Variants in PRKN observed in about 807,000 individuals in gnomAD.
PRKN encodes the protein E3 ubiquitin-protein ligase parkin.
PRKN carries 56 observed loss-of-function variants against 59.5 expected under a neutral mutation model. The observed-to-expected ratio is 0.94, with a 90% CI of 0.76 to 1.18. The LOEUF (loss-of-function observed/expected upper bound fraction) is 1.18. Ranked by LOEUF, PRKN falls within the 50% of genes most tolerant of loss-of-function variation. The pLI is 0.00. For missense variants in PRKN, 657 were observed against 596.4 expected, an observed-to-expected ratio of 1.10 and a Z score of -1.06; for synonymous variants, 250 against 222.1, an observed-to-expected ratio of 1.13 and a Z score of -1.12.
rs1466158690 is a variant in PRKN at position 161,362,391 on chromosome 6, T to C, written c.1168-2186A>G. On this transcript the variant is annotated intron_variant, in intron 10 of 11. Transcript: ENST00000366898. This position sits in a 1 kb window ranked among gnomAD's most constrained non-coding sequence, Gnocchi z 5.2. Reference sequence around the variant, plus strand: ...CCATCATCTGGGTCTTCCCAGGCCCTAAGGGCACAGGCAGGAGACAAAGCC... The same window carrying C: ...CCATCATCTGGGTCTTCCCAGGCCCCAAGGGCACAGGCAGGAGACAAAGCC... Among the ~76,000 whole-genome samples, 1 of 152,108 alleles carries C rather than the reference T, an allele frequency of 6.6e-6. No individual in the cohort carries two copies. Among genetic ancestry groups the C allele is most frequent in the Non-Finnish European group, 1.5e-5 (1 of 68,018 alleles).
At chr6:162,086,892 T>C (rs1779269284) in intron 4 of PRKN, among the ~76,000 whole-genome samples, 1 of 152,248 alleles carries the variant, frequency 6.6e-6, no homozygotes, top group Non-Finnish European at 1.5e-5. Flanking sequence ...TCACAGTTCG[T>C]ATTTGTGGAA....
At chr6:161,973,263 C>T (rs766332636) in intron 6 of PRKN, 39 bp downstream of exon 6, 21 of 1,300,116 alleles carry the variant, frequency 1.6e-5, no homozygotes, top group South Asian at 3.5e-5. Flanking sequence ...CCTTACCTCA[C>T]GTCCGTGGAG....
intron 4 of PRKN, among the ~76,000 whole-genome samples, chr6:162,135,971 C>G (rs1037105841): frequency 6.6e-6 from 1 of 152,034 alleles, no homozygotes. Flanking sequence ...GATTTTCTCA[C>G]TGAAGCCTTG....
intron 1 of PRKN, among the ~76,000 whole-genome samples, chr6:162,557,786 A>T (rs937279270): frequency 6.6e-6 from 1 of 152,214 alleles, no homozygotes; most frequent in Non-Finnish European, 1.5e-5. Context: ...CTGGGATTAC[A>T]GGCGTGAGCC....
At chr6:162,148,512 C>T (rs1057418469) in intron 4 of PRKN, among the ~76,000 whole-genome samples, 3 of 152,112 alleles carry the variant, frequency 2.0e-5, no homozygotes, top group Non-Finnish European at 4.4e-5. Flanking sequence ...CATATACTAC[C>T]TCATTCAATC....
At chr6:162,057,477 C>T (rs1777913283) in intron 4 of PRKN, among the ~76,000 whole-genome samples, 1 of 152,096 alleles carries the variant, frequency 6.6e-6, no homozygotes, top group African/African-American at 2.4e-5. Flanking sequence ...TAAACATGAG[C>T]ATATATTCAC....
At chr6:162,221,371 C>T (rs1191527706) in intron 3 of PRKN, among the ~76,000 whole-genome samples, 1 of 152,162 alleles carries the variant, frequency 6.6e-6, no homozygotes, top group Non-Finnish European at 1.5e-5. Context: ...AGTAACCTGG[C>T]TGATGAATGA....
At chr6:162,111,537 CACAT>C (rs1326507232) in intron 4 of PRKN, among the ~76,000 whole-genome samples, 3 of 152,124 alleles carry the variant, frequency 2.0e-5, no homozygotes, top group African/African-American at 4.8e-5. Context: ...CGTGCACACT[CACAT>C]ACATACACAC....
At chr6:161,656,494 G>A (rs1323486382) in intron 7 of PRKN, among the ~76,000 whole-genome samples, 1 of 152,174 alleles carries the variant, frequency 6.6e-6, no homozygotes, top group Non-Finnish European at 1.5e-5. Context: ...CCACTGCTCT[G>A]AGCTGTTGGA....
chr6:162,079,743 CAT>C (rs1778982788), intron 4 of PRKN, among the ~76,000 whole-genome samples: 1 of 152,196 alleles, frequency 6.6e-6, no homozygotes, highest in Admixed American at 6.5e-5. Flanking sequence ...TATAAGGAAA[CAT>C]AGAGTTATGC....
rs148836760 is a variant in PRKN at position 162,438,891 on chromosome 6, TCTC to T, written c.171+4416_171+4418del. Among the ~76,000 whole-genome samples the T allele has an allele frequency of 7.0e-4, 106 of 152,290 alleles. No homozygotes were observed. In the East Asian group the frequency reaches 0.019, roughly 27 times the overall value. On this transcript the variant is annotated intron_variant, in intron 2 of 11. Coordinates refer to ENST00000366898, the MANE Select transcript of PRKN (RefSeq NM_004562.3). ...TTTGAGCATTTGCCCACCATTATCT[TCTC>T]CTTCCAGGAATCCCCTGACACAAAC...
At position 161,348,583 on chromosome 6, in the gene PRKN, G is replaced by C. The variant is rs1279149835; in HGVS notation, c.*1516C>G. 1 of 207,040 alleles carries C rather than the reference G, an allele frequency of 4.8e-6. No homozygotes were observed. The highest frequency in any genetic ancestry group is 1.9e-4 in the South Asian group (1 of 5,328). The allele number at this position is 207,040 out of a possible 1,614,324, so 12.8% of individuals were successfully genotyped here. A position where few individuals can be genotyped will look rare whatever the true frequency, so the allele number is the denominator to read the frequency against. The stretch of plus-strand genomic sequence containing the variant: ...TTAGGCAGTTAGGAAAAGAGGGACA[G>C]GTGTCCCAGGATGTGGAAAACTTGA... On this transcript the variant is annotated 3_prime_UTR_variant, in exon 12 of 12. Transcript: ENST00000366898. The surrounding 1 kb of genome is among the most constrained non-coding windows in gnomAD (Gnocchi z 4.9).
In PRKN at chr6:162,585,771, C is replaced by T. The variant is rs1171826266; in HGVS notation, c.7+141891G>A. Among the ~76,000 whole-genome samples, 4 of 150,582 alleles carry T rather than the reference C, an allele frequency of 2.7e-5. No homozygotes were observed. In the East Asian group the frequency reaches 7.8e-4, roughly 30 times the overall value. ...AAGCTGGAGTGCAATGGTGTGATCT[C>T]GGCTCACTGCAACCTCCACCTCCTG... On this transcript the variant is annotated intron_variant, in intron 1 of 11. Transcript: ENST00000366898.
intron 5 of PRKN, among the ~76,000 whole-genome samples, chr6:162,051,633 G>C (rs1391386262): frequency 1.3e-5 from 2 of 152,122 alleles, no homozygotes; most frequent in South Asian, 2.1e-4. Context: ...TGAGGCCTTC[G>C]GGGGCGATGA....
At chr6:161,569,500 C>T in intron 7 of PRKN, 84 bp from the exon 8 acceptor site, 3 of 1,172,910 alleles carry the variant, frequency 2.6e-6, no homozygotes, top group East Asian at 4.7e-5. Context: ...TGACTATCAA[C>T]TGCCAGTGTT....
intron 4 of PRKN, among the ~76,000 whole-genome samples, chr6:162,087,346 A>G (rs760064992): frequency 6.6e-6 from 1 of 152,214 alleles, no homozygotes; most frequent in South Asian, 2.1e-4. Context: ...TTTTAATAAA[A>G]GAGTTGAGAA....
At chr6:162,300,902 G>A (rs1231497787) in intron 2 of PRKN, among the ~76,000 whole-genome samples, 1 of 152,034 alleles carries the variant, frequency 6.6e-6, no homozygotes, top group African/African-American at 2.4e-5. Flanking sequence ...ACAGATGACA[G>A]TACCTAAACA....
At chr6:161,464,457 T>C (rs188767113) in intron 9 of PRKN, among the ~76,000 whole-genome samples, 51 of 152,344 alleles carry the variant, frequency 3.3e-4, no homozygotes, top group African/African-American at 1.2e-3. Context: ...TTATATAATA[T>C]GAAATATGTC....
At chr6:161,866,292 T>C (rs904626887) in intron 6 of PRKN, among the ~76,000 whole-genome samples, 1 of 151,986 alleles carries the variant, frequency 6.6e-6, no homozygotes, top group Non-Finnish European at 1.5e-5. Flanking sequence ...TACCAAAATG[T>C]TGGCCAGGCG....
Sources: gnomAD v4.1 joint callset for allele counts (sites outside exome capture counted in the v4.1 genomes callset) on GRCh38, gnomAD v4.1.1 for gene constraint, Gnocchi (gnomAD v3.1) non-coding constraint, MANE v1.5 for transcripts, NCBI Gene and HGNC (gene_info 2026-07-23, HGNC 2026-07-21) for gene names.